FBXO11: variants seen among roughly 807,000 people sequenced by gnomAD.
FBXO11 encodes F-box only protein 11.
In FBXO11, 13 loss-of-function variants were observed where a neutral mutation model predicts 117.0. The observed-to-expected ratio is 0.11, with a 90% CI of 0.07 to 0.18. FBXO11 has a LOEUF of 0.18. Among genes scored for constraint, FBXO11 ranks in the 10% least tolerant of loss-of-function variants. The pLI is 1.00. For missense variants in FBXO11, 767 were observed against 1,164.4 expected, an observed-to-expected ratio of 0.66 and a Z score of 4.97; for synonymous variants, 490 against 380.5, an observed-to-expected ratio of 1.29 and a Z score of -3.35.
chr2:47,877,574 C>T (rs1676100795), intron 1 of FBXO11, among the ~76,000 whole-genome samples: 1 of 152,100 alleles, frequency 6.6e-6, no homozygotes, highest in Admixed American at 6.5e-5. Flanking sequence ...TTCATTGTAA[C>T]TCTAAGTTGC....
intron 1 of FBXO11, among the ~76,000 whole-genome samples, chr2:47,884,874 G>A (rs756130819): frequency 1.3e-5 from 2 of 150,508 alleles, no homozygotes; most frequent in Non-Finnish European, 3.0e-5. Context: ...GAAGTTTACT[G>A]TAAAACAGGT....
At chr2:47,886,795 G>GA (rs1207804327) in intron 1 of FBXO11, among the ~76,000 whole-genome samples, 2 of 151,392 alleles carry the variant, frequency 1.3e-5, no homozygotes, top group Non-Finnish European at 2.9e-5. Flanking sequence ...TGTTTTTAAT[G>GA]AAAAAAAGTG....
Position 47,905,818 on chromosome 2 carries a change from G to T in FBXO11, c.-98C>A, listed in dbSNP as rs947646209. The T allele has an allele frequency of 8.3e-6, 9 of 1,081,658 alleles. No homozygotes were observed. The East Asian group carries it at 1.0e-4, about 12-fold the overall frequency. 67.0% of individuals were successfully genotyped at this position (1,081,658 alleles called of 1,614,324 possible). On this transcript the variant is annotated 5_prime_UTR_variant, in exon 1 of 23. Transcript: ENST00000403359. ...GAAAGGGGTGGGGAGAGTGGGAGAG[G>T]GGGGAGGAAGGAGAGGGGGCGAGGG...
chr2:47,892,543 A>G (rs542954271), intron 1 of FBXO11, among the ~76,000 whole-genome samples: 1 of 152,352 alleles, frequency 6.6e-6, no homozygotes, highest in South Asian at 2.1e-4. Flanking sequence ...AATAGAGTAC[A>G]GGTTTCCTCT....
At chr2:47,848,852 C>G (rs1347683639) in intron 1 of FBXO11, among the ~76,000 whole-genome samples, 1 of 151,956 alleles carries the variant, frequency 6.6e-6, no homozygotes, top group Admixed American at 6.6e-5. Context: ...TTTTATATAC[C>G]CTTTACCTTG....
At chr2:47,903,797 A>G (rs1678511008) in intron 1 of FBXO11, among the ~76,000 whole-genome samples, 1 of 152,230 alleles carries the variant, frequency 6.6e-6, no homozygotes, top group African/African-American at 2.4e-5. Flanking sequence ...TGTCAGCTGT[A>G]CTGCATACAG....
chr2:47,903,863 G>C (rs1678518322), intron 1 of FBXO11, among the ~76,000 whole-genome samples: 1 of 152,202 alleles, frequency 6.6e-6, no homozygotes, highest in Non-Finnish European at 1.5e-5. Flanking sequence ...AACACTGATA[G>C]ACATATGTGA....
rs571074715 is a variant in FBXO11 at position 47,824,234 on chromosome 2, T to C, written c.1399-874A>G. On this transcript the variant is annotated intron_variant, in intron 11 of 22. Transcript: ENST00000403359. The stretch of plus-strand genomic sequence containing the variant: ...AGCTTCTAAAAGTTGTGGCTGGGCC[T>C]CCCAGCACTTTGGAAGACCGAGCAG... Among the ~76,000 whole-genome samples the C allele has an allele frequency of 9.2e-5, 14 of 152,316 alleles. No homozygotes were observed. In the South Asian group the frequency reaches 2.9e-3, roughly 32 times the overall value.
chr2:47,809,136 C>T, intron 21 of FBXO11, 22 bp downstream of exon 21: 1 of 1,411,904 alleles, frequency 7.1e-7, no homozygotes, highest in Non-Finnish European at 9.8e-7. Context: ...CTTTTCAGGA[C>T]TCAAATATAT....
intron 21 of FBXO11, chr2:47,808,924 T>TGG: frequency 2.6e-6 from 1 of 384,598 alleles, no homozygotes; most frequent in Non-Finnish European, 4.6e-6. Flanking sequence ...TTAGAACTCC[T>TGG]GGGCTCCAGT....
intron 5 of FBXO11, 122 bp downstream of exon 5, chr2:47,835,750 G>T (rs1368249248): frequency 1.7e-6 from 1 of 586,384 alleles, no homozygotes; most frequent in East Asian, 3.8e-5. Flanking sequence ...CTCCTACCTC[G>T]GCCTCCCAAG....
At chr2:47,882,222 T>C (rs1455584209) in intron 1 of FBXO11, among the ~76,000 whole-genome samples, 1 of 152,256 alleles carries the variant, frequency 6.6e-6, no homozygotes, top group Non-Finnish European at 1.5e-5. Context: ...ATAAAATCTT[T>C]AGCTCGCACT....
At chr2:47,828,913 T>G (rs1671970565) in intron 11 of FBXO11, among the ~76,000 whole-genome samples, 1 of 152,196 alleles carries the variant, frequency 6.6e-6, no homozygotes, top group African/African-American at 2.4e-5. Context: ...GAATATGCCA[T>G]GAATTTTTTT....
intron 1 of FBXO11, among the ~76,000 whole-genome samples, chr2:47,880,198 A>G (rs1676336962): frequency 6.6e-6 from 1 of 152,084 alleles, no homozygotes; most frequent in South Asian, 2.1e-4. Context: ...GGGTTTTGTC[A>G]TGCTGCCAGG....
At chr2:47,819,165 A>C (rs1671206270) in intron 14 of FBXO11, 87 bp from the exon 15 acceptor site, 7 of 1,404,688 alleles carry the variant, frequency 5.0e-6, no homozygotes, top group Middle Eastern at 2.3e-4. Flanking sequence ...ACAGTTAAAA[A>C]ATTTTCCATT....
At chr2:47,858,261 C>T (rs144752578) in intron 1 of FBXO11, among the ~76,000 whole-genome samples, 1,824 of 152,046 alleles carry the variant, frequency 0.012, 29 homozygotes, top group African/African-American at 0.039. Context: ...CCACCCACCT[C>T]GGCCTCCCAA....
chr2:47,877,935 G>A (rs1558466163), intron 1 of FBXO11, among the ~76,000 whole-genome samples: 1 of 151,998 alleles, frequency 6.6e-6, no homozygotes, highest in African/African-American at 2.4e-5. Context: ...CGCCTGCCTC[G>A]GCCTCCCAAA....
intron 16 of FBXO11, 124 bp downstream of exon 16, chr2:47,818,655 G>A: frequency 1.5e-6 from 1 of 662,914 alleles, no homozygotes. Flanking sequence ...ATTATTTTAA[G>A]AATGTGAATA....
At chr2:47,899,646 T>C (rs1286391834) in intron 1 of FBXO11, among the ~76,000 whole-genome samples, 1 of 152,200 alleles carries the variant, frequency 6.6e-6, no homozygotes, top group African/African-American at 2.4e-5. Context: ...TACTGTCTCA[T>C]TCCTTATAGT....
Sources: allele counts gnomAD v4.1 joint callset (sites outside exome capture counted in the v4.1 genomes callset), GRCh38; gene constraint gnomAD v4.1.1; transcripts MANE v1.5; gene names NCBI Gene and HGNC (gene_info 2026-07-23, HGNC 2026-07-21).